The following NDUFV2 variants were observed in gnomAD, a reference collection of about 807,000 sequenced individuals.
NDUFV2 encodes the protein NADH dehydrogenase [ubiquinone] flavoprotein 2, mitochondrial.
Under a neutral mutation model 31.6 loss-of-function variants are expected in NDUFV2, and 18 were observed. The observed-to-expected ratio is 0.57, with a 90% CI of 0.39 to 0.84. The LOEUF (loss-of-function observed/expected upper bound fraction) is 0.84, where lower values mean the gene tolerates loss of function less well. NDUFV2 is among the 40% of genes least tolerant of loss of function. NDUFV2 has a pLI of 0.00. For synonymous variants in NDUFV2, 83 were observed against 99.8 expected (o/e 0.83, Z 1.01); for missense variants, 314 against 303.6 (o/e 1.03, Z -0.26).
chr18:9,116,797 C>G (rs1049087020), intron 1 of NDUFV2, among the ~76,000 whole-genome samples: 10 of 152,244 alleles, frequency 6.6e-5, no homozygotes, highest in African/African-American at 2.4e-4. Flanking sequence ...CAACTCTTTG[C>G]TAGTTCCATG....
intron 5 of NDUFV2, among the ~76,000 whole-genome samples, chr18:9,124,323 A>C (rs534963084): frequency 6.6e-6 from 1 of 150,868 alleles, no homozygotes; most frequent in Non-Finnish European, 1.5e-5. Flanking sequence ...GTGTCTCCCT[A>C]TGTTGCCCAG....
chr18:9,132,894 A>T (rs576426987), intron 7 of NDUFV2, among the ~76,000 whole-genome samples: 1 of 152,344 alleles, frequency 6.6e-6, no homozygotes, highest in African/African-American at 2.4e-5. Context: ...AAATAAATTT[A>T]AAAATTGCAA....
chr18:9,128,054 A>G (rs545102527), intron 7 of NDUFV2, among the ~76,000 whole-genome samples: 17 of 152,300 alleles, frequency 1.1e-4, no homozygotes, highest in East Asian at 9.6e-4. Context: ...TATGTGTTCA[A>G]TCACTCAAAA....
Position 9,124,994 on chromosome 18 carries a change from C to T in NDUFV2, c.579+11C>T. 6.2e-7 allele frequency: 1 copy of T among 1,611,862 alleles called. No individual in the cohort carries two copies. Among genetic ancestry groups the T allele is most frequent in the Non-Finnish European group, 8.5e-7 (1 of 1,178,448 alleles). The stretch of plus-strand genomic sequence containing the variant: ...AATGACAATTACTATGTGAGTATTT[C>T]AGGTAATACAAGTTAAAGTTGTATG... On this transcript the variant is annotated intron_variant, in intron 6 of 7. Coordinates refer to ENST00000318388, the MANE Select transcript of NDUFV2 (RefSeq NM_021074.5).
At chr18:9,105,806 T>G (rs2077838958) in intron 1 of NDUFV2, among the ~76,000 whole-genome samples, 7 of 152,230 alleles carry the variant, frequency 4.6e-5, no homozygotes. Flanking sequence ...CCCATCTGTA[T>G]TGTGTATTTT....
chr18:9,106,598 G>GGACT (rs2077843154), intron 1 of NDUFV2, among the ~76,000 whole-genome samples: 1 of 152,108 alleles, frequency 6.6e-6, no homozygotes, highest in Non-Finnish European at 1.5e-5. Context: ...GTGACTCAAA[G>GGACT]GACTCTAAAG....
chr18:9,113,150 T>C (rs1352771838), intron 1 of NDUFV2, among the ~76,000 whole-genome samples: 2 of 152,222 alleles, frequency 1.3e-5, no homozygotes, highest in Non-Finnish European at 2.9e-5. Flanking sequence ...ACATAGGTAC[T>C]TGATAGGTAT....
chr18:9,132,931 A>C (rs1392155483), intron 7 of NDUFV2, among the ~76,000 whole-genome samples: 2 of 152,258 alleles, frequency 1.3e-5, no homozygotes, highest in East Asian at 3.9e-4. Flanking sequence ...CTTTTTTTTA[A>C]AGTTAAGTAT....
At chr18:9,114,444 TC>T (rs1440201707) in intron 1 of NDUFV2, among the ~76,000 whole-genome samples, 3 of 71,470 alleles carry the variant, frequency 4.2e-5, no homozygotes, top group Admixed American at 1.6e-4. Flanking sequence ...GTTGTTTGGA[TC>T]TTTTTTTTTT....
intron 1 of NDUFV2, among the ~76,000 whole-genome samples, chr18:9,111,426 A>G (rs1378779771): frequency 2.6e-5 from 4 of 152,142 alleles, no homozygotes; most frequent in Non-Finnish European, 5.9e-5. Context: ...TACATGAAGT[A>G]CATCTTTTTT....
intron 5 of NDUFV2, among the ~76,000 whole-genome samples, chr18:9,123,300 G>A (rs2077955814): frequency 6.6e-6 from 1 of 152,068 alleles, no homozygotes; most frequent in Non-Finnish European, 1.5e-5. Flanking sequence ...TAAAACAGCT[G>A]AAGTTGGCTC....
chr18:9,122,793 T>TA, intron 5 of NDUFV2, 112 bp downstream of exon 5: 1 of 992,606 alleles, frequency 1.0e-6, no homozygotes, highest in Non-Finnish European at 1.6e-6. Flanking sequence ...GATCTGTACT[T>TA]ACCTAGTAAT....
At chr18:9,116,965 A>G (rs941223731) in intron 1 of NDUFV2, among the ~76,000 whole-genome samples, 38 of 152,132 alleles carry the variant, frequency 2.5e-4, no homozygotes, top group African/African-American at 9.2e-4. Context: ...CAGCTGAGAG[A>G]ATAATCAGAT....
intron 6 of NDUFV2, among the ~76,000 whole-genome samples, 199 bp downstream of exon 6, chr18:9,125,182 T>G (rs1204997579): frequency 6.6e-6 from 1 of 152,192 alleles, no homozygotes; most frequent in African/African-American, 2.4e-5. Context: ...AAACTTTAGA[T>G]TATGAAAAAT....
At chr18:9,131,613 C>G (rs749320798) in intron 7 of NDUFV2, among the ~76,000 whole-genome samples, 46 of 152,102 alleles carry the variant, frequency 3.0e-4, no homozygotes, top group Non-Finnish European at 5.1e-4. Context: ...CTGGATATAT[C>G]TCAGCAATAG....
At chr18:9,105,060 C>G in intron 1 of NDUFV2, 1 of 1,371,948 alleles carries the variant, frequency 7.3e-7, no homozygotes, top group South Asian at 1.7e-5. Context: ...TCTATACTGT[C>G]ATTTTAATGC....
rs142405606 is a variant in NDUFV2, at chr18:9,119,357, C to T, written c.152C>T (p.Thr51Ile). The change falls in exon 3 of 8, where the codon ACT (threonine) becomes ATT (isoleucine). Residue 51 changes from threonine (T) to isoleucine (I), a missense_variant. Thr to Ile is a moderately conservative substitution (Grantham distance 89). Transcript: ENST00000318388. Reference protein sequence around the residue: ...HRDTPENNPDTPFDFTPENYK... With the variant: ...HRDTPENNPDIPFDFTPENYK... ...GATACTCCTGAGAATAACCCTGATA[C>T]TCCATTTGATTTCACACCAGAAAAC... is the stretch of plus-strand genomic sequence containing the variant. 6.2e-7 allele frequency: 1 copy of T among 1,613,180 alleles called. No homozygotes were observed. The highest frequency in any genetic ancestry group is 8.5e-7 in the Non-Finnish European group (1 of 1,179,252).
chr18:9,104,090 A>C, intron 1 of NDUFV2: 1 of 1,572,734 alleles, frequency 6.4e-7, no homozygotes, highest in Non-Finnish European at 8.7e-7. Context: ...TTCAAGGTGC[A>C]TAAGATTTTT....
intron 1 of NDUFV2, among the ~76,000 whole-genome samples, chr18:9,111,110 T>G (rs1330372169): frequency 6.6e-6 from 1 of 152,198 alleles, no homozygotes; most frequent in Non-Finnish European, 1.5e-5. Context: ...ACCTACTATG[T>G]TCTTTTAAAG....
Sources: gnomAD v4.1 joint callset for allele counts (sites outside exome capture counted in the v4.1 genomes callset) on GRCh38, gnomAD v4.1.1 for gene constraint, MANE v1.5 for transcripts, NCBI Gene and HGNC (gene_info 2026-07-23, HGNC 2026-07-21) for gene names.